Variants in ATRX observed in about 807,000 individuals in gnomAD.
ATRX encodes chromatin remodeler ATRX.
In ATRX, 12 loss-of-function variants were observed where a neutral mutation model predicts 172.6. The observed-to-expected ratio is 0.07, with a 90% CI of 0.04 to 0.11. The LOEUF is 0.11. Ranked by LOEUF, ATRX falls within the 10% of genes least tolerant of loss-of-function variation. The probability of loss-of-function intolerance (pLI) is 1.00; values close to 1 mark genes in which losing one functional copy is unlikely to be tolerated. For missense variants in ATRX, 1,368 were observed against 1,767.4 expected (o/e 0.77, Z 4.05); for synonymous variants, 674 against 594.7 (o/e 1.13, Z -1.94).
intron 1 of ATRX, among the ~76,000 whole-genome samples, chrX:77,748,084 C>T (rs1390799996): frequency 8.9e-6 from 1 of 111,781 alleles, no homozygotes; most frequent in Non-Finnish European, 1.9e-5. Context: ...TAACTAAACC[C>T]ATCTACAAAT....
intron 2 of ATRX, among the ~76,000 whole-genome samples, chrX:77,704,777 G>A (rs1557155981): frequency 8.9e-6 from 1 of 112,327 alleles, no homozygotes; most frequent in African/African-American, 3.2e-5. Flanking sequence ...CAAGATCAGA[G>A]CAGGTGCCAA....
intron 1 of ATRX, among the ~76,000 whole-genome samples, chrX:77,734,334 C>T (rs1223360697): frequency 9.0e-6 from 1 of 111,371 alleles, no homozygotes. Context: ...AGGAGAATTG[C>T]TTGAACCCAG....
At chrX:77,740,878 G>A (rs2074832603) in intron 1 of ATRX, among the ~76,000 whole-genome samples, 1 of 110,974 alleles carries the variant, frequency 9.0e-6, no homozygotes, top group South Asian at 3.8e-4. Flanking sequence ...CCCTTTGGGA[G>A]GCCGAGGAAG....
chrX:77,619,329 C>T (rs2067487071), intron 20 of ATRX, among the ~76,000 whole-genome samples: 1 of 110,893 alleles, frequency 9.0e-6, no homozygotes, highest in Non-Finnish European at 1.9e-5. Flanking sequence ...GTCAGTGAGG[C>T]TATCTTGTGA....
At chrX:77,596,634 T>C (rs1163921094) in intron 25 of ATRX, 6 of 111,325 alleles carry the variant, frequency 5.4e-5, no homozygotes, top group Non-Finnish European at 1.1e-4. Flanking sequence ...CTGTGTGTTT[T>C]TGGGCTCACA....
intron 1 of ATRX, among the ~76,000 whole-genome samples, chrX:77,737,401 C>T (rs181137259): frequency 3.9e-5 from 3 of 77,395 alleles, no homozygotes; most frequent in Admixed American, 2.0e-4. Flanking sequence ...CCAGCTTAGG[C>T]GACAGGGCAA....
At chrX:77,703,946 T>A (rs1182180321) in intron 2 of ATRX, among the ~76,000 whole-genome samples, 1 of 110,654 alleles carries the variant, frequency 9.0e-6, no homozygotes, top group Non-Finnish European at 1.9e-5. Context: ...GGGTGGTTCT[T>A]CTCTGCTAGG....
chrX:77,738,878 C>T (rs1421837972), intron 1 of ATRX, among the ~76,000 whole-genome samples: 1 of 111,248 alleles, frequency 9.0e-6, no homozygotes, highest in Non-Finnish European at 1.9e-5. Context: ...TTTAAATGGA[C>T]GAAGGATAAG....
chrX:77,585,454 T>C (rs1602657349), intron 27 of ATRX, among the ~76,000 whole-genome samples: 2 of 104,559 alleles, frequency 1.9e-5, no homozygotes, highest in Non-Finnish European at 3.9e-5. Context: ...TGTATGCCTG[T>C]AGTCCCAGCT....
intron 2 of ATRX, among the ~76,000 whole-genome samples, chrX:77,709,864 C>A (rs2073024699): frequency 9.0e-6 from 1 of 111,642 alleles, no homozygotes; most frequent in Non-Finnish European, 1.9e-5. Flanking sequence ...CTGCAAAATG[C>A]ACTCCTGGCA....
chrX:77,762,556 C>G (rs1183460562), intron 1 of ATRX, among the ~76,000 whole-genome samples: 1 of 110,899 alleles, frequency 9.0e-6, no homozygotes, highest in Admixed American at 9.7e-5. Context: ...TCAGATATAA[C>G]AGTCTTTCAA....
At chrX:77,772,716 C>T (rs781820826) in intron 1 of ATRX, among the ~76,000 whole-genome samples, 20 of 109,296 alleles carry the variant, frequency 1.8e-4, no homozygotes, top group Admixed American at 4.0e-4. Context: ...CTCTTGACCT[C>T]GTGATCCATC....
At chrX:77,715,060 G>T (rs2073306619) in intron 2 of ATRX, among the ~76,000 whole-genome samples, 1 of 106,422 alleles carries the variant, frequency 9.4e-6, no homozygotes, top group African/African-American at 3.4e-5. Context: ...TCCAGTGTAG[G>T]TCTGTTGACA....
intron 1 of ATRX, among the ~76,000 whole-genome samples, chrX:77,725,696 T>C (rs781966944): frequency 9.0e-6 from 1 of 111,613 alleles, no homozygotes; most frequent in East Asian, 2.8e-4. Flanking sequence ...AACTACAGAA[T>C]GGGAGAAAAT....
rs1224915826 is a variant in ATRX, at chrX:77,593,243, AAAG to A, written c.6110+450_6110+452del. Among the ~76,000 whole-genome samples the A allele has an allele frequency of 9.2e-5, 10 of 109,155 alleles. No individual in the cohort carries two copies. In the East Asian group the frequency reaches 1.1e-3, roughly 12 times the overall value. 94.8% of individuals were successfully genotyped at this position (109,155 alleles called of 115,157 possible). A position where few individuals can be genotyped will look rare whatever the true frequency, so the allele number is the denominator to read the frequency against. On this transcript the variant is annotated intron_variant, in intron 26 of 34. Coordinates refer to ENST00000373344, the MANE Select transcript of ATRX (RefSeq NM_000489.6). ...TGTCTCATAATGAAAAAAAAAAAAA[AAAG>A]AAGAAGAAGAAGAAAGAATAATCAA...
chrX:77,616,040 T>C, intron 22 of ATRX: 7 of 753,971 alleles, frequency 9.3e-6, no homozygotes, highest in African/African-American at 4.6e-5. Context: ...AAAAAGCTTA[T>C]TGATGGTAAA....
At chrX:77,730,045 AAG>A (rs1261110921) in intron 1 of ATRX, among the ~76,000 whole-genome samples, 1 of 112,196 alleles carries the variant, frequency 8.9e-6, no homozygotes, top group African/African-American at 3.2e-5. Context: ...TCACTAATTC[AAG>A]AGATTCTGTT....
chrX:77,676,408 A>G, intron 9 of ATRX, 110 bp from the exon 10 acceptor site: 3 of 629,003 alleles, frequency 4.8e-6, no homozygotes, highest in Non-Finnish European at 7.4e-6. Context: ...AGTGGGGTCT[A>G]AACTCTGGAC....
At chrX:77,654,892 A>G (rs1173287693) in intron 13 of ATRX, among the ~76,000 whole-genome samples, 1 of 112,252 alleles carries the variant, frequency 8.9e-6, no homozygotes, top group Non-Finnish European at 1.9e-5. Context: ...AAGGTTACAA[A>G]TCAAATGTCC....
Sources: allele counts gnomAD v4.1 joint callset (sites outside exome capture counted in the v4.1 genomes callset), GRCh38; gene constraint gnomAD v4.1.1; transcripts MANE v1.5; gene names NCBI Gene and HGNC (gene_info 2026-07-23, HGNC 2026-07-21).